The following CTNNA2 variants were observed in gnomAD, a reference collection of about 807,000 sequenced individuals.
The protein encoded by CTNNA2 is catenin alpha-2.
In CTNNA2, 42 loss-of-function variants were observed where a neutral mutation model predicts 101.0. That is an observed-to-expected ratio of 0.42 (90% confidence interval 0.32 to 0.54). The LOEUF is 0.54. Among genes scored for constraint, CTNNA2 ranks in the 20% least tolerant of loss-of-function variants. The pLI, the probability that CTNNA2 is intolerant of heterozygous loss-of-function variation, is 0.14. For synonymous variants in CTNNA2, 450 were observed against 456.4 expected (o/e 0.99, Z 0.18); for missense variants, 871 against 1,223.1 (o/e 0.71, Z 4.29).
At chr2:79,239,970 T>C (rs1239842134) in intron 2 of CTNNA2, among the ~76,000 whole-genome samples, 2 of 151,424 alleles carry the variant, frequency 1.3e-5, no homozygotes, top group Admixed American at 6.6e-5. Context: ...TTCACTCTTA[T>C]TGCCCAGGCT....
chr2:80,457,664 A>G (rs1684095235), intron 9 of CTNNA2, among the ~76,000 whole-genome samples: 1 of 152,130 alleles, frequency 6.6e-6, no homozygotes, highest in African/African-American at 2.4e-5. Flanking sequence ...CACATAGTAG[A>G]TTTAGAGTAA....
At chr2:79,224,642 A>G (rs990118132) in intron 2 of CTNNA2, among the ~76,000 whole-genome samples, 2 of 152,070 alleles carry the variant, frequency 1.3e-5, no homozygotes, top group African/African-American at 4.8e-5. Flanking sequence ...ATATCATTCA[A>G]TGAGTTCACA....
At chr2:79,201,166 G>T (rs71337753) in intron 2 of CTNNA2, among the ~76,000 whole-genome samples, 73 of 151,676 alleles carry the variant, frequency 4.8e-4, no homozygotes, top group Non-Finnish European at 7.5e-4. Context: ...TTCAGATTTC[G>T]TCAAGTCAGA....
At chr2:79,236,680 A>T (rs1342722117) in intron 2 of CTNNA2, among the ~76,000 whole-genome samples, 2 of 152,200 alleles carry the variant, frequency 1.3e-5, no homozygotes, top group Non-Finnish European at 2.9e-5. Context: ...GTAATATTCT[A>T]AATCTTCTGT....
chr2:79,795,294 C>A (rs182923859), intron 3 of CTNNA2, among the ~76,000 whole-genome samples: 7 of 151,806 alleles, frequency 4.6e-5, no homozygotes, highest in African/African-American at 1.7e-4. Flanking sequence ...AAGATTCTTA[C>A]GTAATTTGTG....
At chr2:80,329,182 C>A (rs1390084211) in intron 7 of CTNNA2, among the ~76,000 whole-genome samples, 3 of 152,186 alleles carry the variant, frequency 2.0e-5, no homozygotes, top group Non-Finnish European at 2.9e-5. Flanking sequence ...CAGCTGACTT[C>A]CTTTCAACCT....
intron 7 of CTNNA2, among the ~76,000 whole-genome samples, chr2:80,200,604 C>T (rs7562926): frequency 0.22 from 32,680 of 151,944 alleles, 5,288 homozygotes; most frequent in African/African-American, 0.45. Flanking sequence ...GGCGTGATCC[C>T]GGCTCACTGC....
intron 7 of CTNNA2, among the ~76,000 whole-genome samples, chr2:80,225,460 G>T (rs1391185941): frequency 6.6e-6 from 1 of 152,100 alleles, no homozygotes; most frequent in Non-Finnish European, 1.5e-5. Flanking sequence ...TCAGCACCGA[G>T]TTGGCCATAA....
intron 1 of CTNNA2, among the ~76,000 whole-genome samples, chr2:79,553,587 T>C (rs1344314000): frequency 6.6e-6 from 1 of 152,154 alleles, no homozygotes; most frequent in Non-Finnish European, 1.5e-5. Flanking sequence ...CTTATAGTTA[T>C]GGTGGAAGGC....
intron 4 of CTNNA2, among the ~76,000 whole-genome samples, chr2:79,451,286 A>G (rs892151373): frequency 3.3e-5 from 5 of 152,138 alleles, no homozygotes; most frequent in Non-Finnish European, 5.9e-5. Flanking sequence ...CAAAAATCTT[A>G]CAGATCTGCA....
chr2:80,468,359 A>G (rs1364334394), intron 9 of CTNNA2, among the ~76,000 whole-genome samples: 1 of 152,164 alleles, frequency 6.6e-6, no homozygotes, highest in Non-Finnish European at 1.5e-5. Flanking sequence ...TGCAGTGGAA[A>G]GTTTGAACAC....
intron 1 of CTNNA2, 40 bp from the exon 2 acceptor site, chr2:79,651,512 A>C: frequency 6.4e-7 from 1 of 1,558,234 alleles, no homozygotes; most frequent in Non-Finnish European, 8.8e-7. Context: ...AATTTATTTC[A>C]AAGATGATTA....
intron 3 of CTNNA2, among the ~76,000 whole-genome samples, chr2:79,825,178 G>A (rs1187931313): frequency 6.6e-6 from 1 of 152,186 alleles, no homozygotes; most frequent in African/African-American, 2.4e-5. Flanking sequence ...GACAGAGGGA[G>A]ATCCTGGCTC....
intron 7 of CTNNA2, among the ~76,000 whole-genome samples, chr2:79,934,977 G>T (rs952344930): frequency 1.4e-4 from 22 of 152,306 alleles, no homozygotes; most frequent in Non-Finnish European, 2.8e-4. Context: ...GATTGCAGTT[G>T]CATAGATCCT....
intron 2 of CTNNA2, among the ~76,000 whole-genome samples, chr2:79,662,319 T>C (rs989411129): frequency 9.9e-5 from 15 of 152,140 alleles, no homozygotes; most frequent in African/African-American, 3.4e-4. Context: ...ATTTTCCATT[T>C]CAGTGAATAC....
chr2:80,044,330 G>T (rs949868591), intron 7 of CTNNA2, among the ~76,000 whole-genome samples: 4 of 151,774 alleles, frequency 2.6e-5, no homozygotes, highest in African/African-American at 9.7e-5. Flanking sequence ...GATGCAAAGG[G>T]TATCACTTTG....
intron 4 of CTNNA2, among the ~76,000 whole-genome samples, chr2:79,404,287 A>G (rs961128664): frequency 3.3e-5 from 5 of 151,852 alleles, no homozygotes; most frequent in African/African-American, 1.2e-4. Context: ...ATTATATTCT[A>G]CCTTTCTTTG....
chr2:79,684,585 T>C (rs1683805631), intron 2 of CTNNA2, among the ~76,000 whole-genome samples: 1 of 152,186 alleles, frequency 6.6e-6, no homozygotes, highest in Admixed American at 6.5e-5. Flanking sequence ...TTATGTTCAA[T>C]ATATAAATCA....
At chr2:79,813,466 C>T (rs1346694519) in intron 3 of CTNNA2, among the ~76,000 whole-genome samples, 1 of 152,104 alleles carries the variant, frequency 6.6e-6, no homozygotes, top group Non-Finnish European at 1.5e-5. Flanking sequence ...ATTATGGATC[C>T]TGGAAGCCTG....
Sources: gnomAD v4.1 joint callset for allele counts (sites outside exome capture counted in the v4.1 genomes callset) on GRCh38, gnomAD v4.1.1 for gene constraint, MANE v1.5 for transcripts, NCBI Gene and HGNC (gene_info 2026-07-23, HGNC 2026-07-21) for gene names.